RBMS3: variants seen among roughly 807,000 people sequenced by gnomAD.
RBMS3 encodes the protein RNA binding motif single stranded interacting protein 3, also known as RNA-binding motif, single-stranded-interacting protein 3.
RBMS3 carries 27 observed loss-of-function variants against 66.8 expected under a neutral mutation model. The ratio of observed to expected loss-of-function variants is 0.40; its 90% CI spans 0.30 to 0.56. The LOEUF (loss-of-function observed/expected upper bound fraction) is 0.56, where lower values mean the gene tolerates loss of function less well. Among genes scored for constraint, RBMS3 ranks in the 20% least tolerant of loss-of-function variants. RBMS3 has a pLI of 0.40. For synonymous variants in RBMS3, 188 were observed against 183.0 expected (o/e 1.03, Z -0.22); for missense variants, 513 against 549.5 (o/e 0.93, Z 0.66).
At chr3:29,396,362 C>T (rs1271244563) in intron 1 of RBMS3, among the ~76,000 whole-genome samples, 2 of 152,084 alleles carry the variant, frequency 1.3e-5, no homozygotes, top group African/African-American at 4.8e-5. Context: ...AGTGACATAA[C>T]AATTAAATGC....
intron 4 of RBMS3, among the ~76,000 whole-genome samples, chr3:29,719,423 T>G (rs1052698374): frequency 6.6e-6 from 1 of 152,126 alleles, no homozygotes; most frequent in Non-Finnish European, 1.5e-5. Flanking sequence ...TTTTTTTACT[T>G]GCAAAGAGAA....
chr3:29,673,808 G>T (rs998015880), intron 4 of RBMS3, among the ~76,000 whole-genome samples: 1 of 152,066 alleles, frequency 6.6e-6, no homozygotes, highest in African/African-American at 2.4e-5. Flanking sequence ...ATTCACAGCC[G>T]AATTCTACTA....
At chr3:29,685,085 G>C (rs536590998) in intron 4 of RBMS3, among the ~76,000 whole-genome samples, 153 of 152,262 alleles carry the variant, frequency 1.0e-3, no homozygotes, top group African/African-American at 3.4e-3. Context: ...TTGAGACGGA[G>C]TCTTGCTCTG....
chr3:29,547,254 A>C (rs1436033125), intron 3 of RBMS3, among the ~76,000 whole-genome samples: 2 of 152,112 alleles, frequency 1.3e-5, no homozygotes, highest in East Asian at 3.9e-4. Context: ...CCCCCTTTAA[A>C]TTTTGCAGAG....
At chr3:29,520,609 G>T (rs967112469) in intron 3 of RBMS3, among the ~76,000 whole-genome samples, 4 of 152,028 alleles carry the variant, frequency 2.6e-5, no homozygotes, top group African/African-American at 4.8e-5. Flanking sequence ...TCTTCATTTC[G>T]ATACATATAG....
At chr3:29,590,660 TG>T (rs1234360186) in intron 4 of RBMS3, among the ~76,000 whole-genome samples, 4 of 152,098 alleles carry the variant, frequency 2.6e-5, no homozygotes, top group Admixed American at 2.6e-4. Context: ...TTACTGTTCT[TG>T]GCAACTTCAG....
intron 4 of RBMS3, among the ~76,000 whole-genome samples, chr3:29,722,581 G>A (rs2053687509): frequency 6.6e-6 from 1 of 152,000 alleles, no homozygotes; most frequent in African/African-American, 2.4e-5. Flanking sequence ...TGGGATCTAG[G>A]ATTCAATCTA....
At chr3:29,318,755 G>A (rs1054151647) in intron 1 of RBMS3, among the ~76,000 whole-genome samples, 3 of 151,908 alleles carry the variant, frequency 2.0e-5, no homozygotes, top group African/African-American at 7.3e-5. Flanking sequence ...TGCTAGGGAT[G>A]CCAACTTGAA....
intron 7 of RBMS3, among the ~76,000 whole-genome samples, chr3:29,872,446 A>G (rs2059514571): frequency 6.6e-6 from 1 of 152,052 alleles, no homozygotes; most frequent in African/African-American, 2.4e-5. Flanking sequence ...AGAAAAATCT[A>G]CCTTCATCTA....
intron 1 of RBMS3, among the ~76,000 whole-genome samples, chr3:29,315,672 T>C (rs567649384): frequency 6.6e-5 from 10 of 151,748 alleles, no homozygotes; most frequent in Non-Finnish European, 7.4e-5. Flanking sequence ...ACATTAAACT[T>C]GGTAAATACT....
intron 4 of RBMS3, among the ~76,000 whole-genome samples, chr3:29,692,197 G>T (rs1327457372): frequency 6.6e-6 from 1 of 151,790 alleles, no homozygotes; most frequent in Non-Finnish European, 1.5e-5. Flanking sequence ...GGTCAGTGTG[G>T]TCTCAAACTC....
At chr3:29,455,594 A>G (rs1457673507) in intron 2 of RBMS3, among the ~76,000 whole-genome samples, 1 of 152,186 alleles carries the variant, frequency 6.6e-6, no homozygotes, top group African/African-American at 2.4e-5. Flanking sequence ...TTGTTAATTC[A>G]TTGACATTTG....
chr3:29,862,458 G>A (rs1448053289), intron 6 of RBMS3, among the ~76,000 whole-genome samples: 2 of 152,094 alleles, frequency 1.3e-5, no homozygotes. Context: ...TCTACCCTCA[G>A]ACCTAGAAAT....
intron 4 of RBMS3, among the ~76,000 whole-genome samples, chr3:29,651,428 A>G (rs773005142): frequency 3.3e-5 from 5 of 152,210 alleles, no homozygotes; most frequent in Admixed American, 1.3e-4. Flanking sequence ...TTTTGACATA[A>G]TGGAAGAAAA....
intron 1 of RBMS3, among the ~76,000 whole-genome samples, chr3:29,373,743 T>G (rs1263885376): frequency 6.6e-6 from 1 of 152,326 alleles, no homozygotes; most frequent in Middle Eastern, 3.4e-3. Flanking sequence ...TTCTAGCTGG[T>G]TTCTGAGTGC....
chr3:29,754,787 G>A (rs141298973), intron 5 of RBMS3, among the ~76,000 whole-genome samples: 15 of 152,284 alleles, frequency 9.9e-5, no homozygotes, highest in East Asian at 5.8e-4. Context: ...AAGACTTTTC[G>A]TTAAGATAAC....
In RBMS3 at chr3:29,753,623, A is replaced by G. The variant is rs77729499; in HGVS notation, c.558-9287A>G. On this transcript the variant is annotated intron_variant, in intron 5 of 14. Transcript: ENST00000383767. The stretch of plus-strand genomic sequence containing the variant: ...ATTGCACACACAAAATTCAAGTTGT[A>G]TCTCATAGTACAGAGTAATCCCTGG... 4.2e-3 allele frequency among the ~76,000 whole-genome samples: 640 copies of G among 152,368 alleles called. 16 individuals are homozygous for G. Among genetic ancestry groups the G allele is most frequent in the Admixed American group, 0.034 (528 of 15,306 alleles).
intron 10 of RBMS3, among the ~76,000 whole-genome samples, chr3:29,910,970 T>G (rs950786080): frequency 6.6e-6 from 1 of 152,066 alleles, no homozygotes; most frequent in Non-Finnish European, 1.5e-5. Flanking sequence ...TCTCCCTGTT[T>G]TAGAACAATT....
chr3:29,420,455 A>T (rs2040665166), intron 1 of RBMS3, among the ~76,000 whole-genome samples: 1 of 152,166 alleles, frequency 6.6e-6, no homozygotes, highest in Non-Finnish European at 1.5e-5. Context: ...GGGATCCTAG[A>T]GCTGGCTAGG....
Sources: gnomAD v4.1 joint callset for allele counts (sites outside exome capture counted in the v4.1 genomes callset) on GRCh38, gnomAD v4.1.1 for gene constraint, MANE v1.5 for transcripts, NCBI Gene and HGNC (gene_info 2026-07-23, HGNC 2026-07-21) for gene names.